The following ARFGEF2 variants were observed in gnomAD, a reference collection of about 807,000 sequenced individuals.
ARFGEF2 encodes the protein ARF guanine nucleotide exchange factor 2.
Under a neutral mutation model 219.9 loss-of-function variants are expected in ARFGEF2, and 74 were observed. The observed-to-expected ratio is 0.34, with a 90% CI of 0.28 to 0.41. ARFGEF2 has a LOEUF of 0.41. Ranked by LOEUF, ARFGEF2 falls within the 10% of genes least tolerant of loss-of-function variation. The pLI is 1.00. For missense variants in ARFGEF2, 1,743 were observed against 2,218.3 expected (o/e 0.79, Z 4.30); for synonymous variants, 733 against 799.2 (o/e 0.92, Z 1.40).
At chr20:48,972,220 G>T (rs2091232734) in intron 10 of ARFGEF2, 106 bp from the exon 11 acceptor site, 3 of 775,578 alleles carry the variant, frequency 3.9e-6, no homozygotes, top group Admixed American at 2.0e-5. Flanking sequence ...TCTGCCCAGG[G>T]TGCTTTACTT....
Position 49,021,253 on chromosome 20 carries a change from T to A in ARFGEF2, c.4625-1798T>A, listed in dbSNP as rs569224463. Among the ~76,000 whole-genome samples, 19 of 147,688 alleles carry A rather than the reference T, an allele frequency of 1.3e-4. No individual in the cohort carries two copies. The East Asian group carries it at 1.6e-3, about 13-fold the overall frequency. The stretch of plus-strand genomic sequence containing the variant: ...CCCATCTCTAAGAAGAAAAAAAAAA[T>A]TTTTTTTTTAATGAAAAAAATGAAA... On this transcript the variant is annotated intron_variant, in intron 34 of 38. Transcript: ENST00000371917.
chr20:48,994,478 C>T lies in ARFGEF2; in HGVS notation c.3001C>T (p.Leu1001Phe). Residue 1001 changes from leucine to phenylalanine, a missense_variant, in exon 22 of 39, where the codon CTC becomes TTC. Leu to Phe is a conservative substitution (Grantham distance 22, BLOSUM62 0). Transcript: ENST00000371917. The stretch of plus-strand genomic sequence containing the variant: ...CTTGAAATGCATCAGCCAGCTGGAG[C>T]TCGCTCAGCTGATAGGAACCGGTGT... Reference protein sequence around the residue: ...EILKCISQLELAQLIGTGVKT... With the variant: ...EILKCISQLEFAQLIGTGVKT... The T allele has an allele frequency of 6.2e-7, 1 of 1,614,092 alleles. No homozygotes were observed. Among genetic ancestry groups the T allele is most frequent in the Non-Finnish European group, 8.5e-7 (1 of 1,180,038 alleles).
intron 1 of ARFGEF2, among the ~76,000 whole-genome samples, chr20:48,935,483 A>G (rs918217858): frequency 1.3e-5 from 2 of 151,948 alleles, no homozygotes; most frequent in African/African-American, 2.4e-5. Flanking sequence ...AAAGTCTCCC[A>G]TGTCTACCTC....
At chr20:48,944,098 C>G (rs2091010326) in intron 3 of ARFGEF2, among the ~76,000 whole-genome samples, 2 of 152,202 alleles carry the variant, frequency 1.3e-5, no homozygotes, top group South Asian at 4.1e-4. Flanking sequence ...CTTCCAAATG[C>G]AAAGCCATTT....
chr20:48,952,027 G>A (rs762121712), intron 4 of ARFGEF2, among the ~76,000 whole-genome samples: 6 of 151,978 alleles, frequency 3.9e-5, no homozygotes, highest in Non-Finnish European at 8.8e-5. Context: ...TGACCACATC[G>A]AAACGTATAT....
intron 14 of ARFGEF2, among the ~76,000 whole-genome samples, chr20:48,977,454 T>C (rs528124490): frequency 6.6e-6 from 1 of 152,352 alleles, no homozygotes; most frequent in Non-Finnish European, 1.5e-5. Flanking sequence ...CATGTGTCTT[T>C]ATAGTAGCAT....
intron 37 of ARFGEF2, among the ~76,000 whole-genome samples, chr20:49,029,054 C>A (rs1304913747): frequency 6.6e-6 from 1 of 152,218 alleles, no homozygotes; most frequent in East Asian, 1.9e-4. Context: ...TCAGCAATAA[C>A]ATCCCATCAT....
rs757395043 is a variant in ARFGEF2, at chr20:49,012,044, T to C, written c.3878T>C (p.Leu1293Pro). The C allele has an allele frequency of 1.9e-6, 3 of 1,614,138 alleles. No homozygotes were observed. Among genetic ancestry groups the C allele is most frequent in the South Asian group, 2.2e-5 (2 of 91,078 alleles). The change falls in exon 28 of 39, where the codon CTC becomes CCC. Residue 1293 changes from leucine (L) to proline (P), a missense_variant. Coordinates refer to ENST00000371917, the MANE Select transcript of ARFGEF2 (RefSeq NM_006420.3). The stretch of plus-strand genomic sequence containing the variant: ...GACACGAGCATGGAAGCGATTCGGC[T>C]CATCCGCTTCTGTGGCAAATACGTC... Reference protein sequence around the residue: ...FPDTSMEAIRLIRFCGKYVSE... With the variant: ...FPDTSMEAIRPIRFCGKYVSE...
intron 14 of ARFGEF2, among the ~76,000 whole-genome samples, chr20:48,982,596 C>T (rs941880360): frequency 6.6e-6 from 1 of 152,156 alleles, no homozygotes; most frequent in African/African-American, 2.4e-5. Context: ...TGCCCTGCCC[C>T]CAGAGGTAGG....
In ARFGEF2 at chr20:48,930,312, T is replaced by TA. The variant is rs2090905215; in HGVS notation, c.121+8303dup. Among the ~76,000 whole-genome samples, 14 of 152,346 alleles carry TA rather than the reference T, an allele frequency of 9.2e-5. No homozygotes were observed. The South Asian group carries it at 2.9e-3, about 32-fold the overall frequency. ...AATCACTTCTTAAAGGCTCCACTCT[T>TA]ACACCATCACAGTGGCAATTAATTT... On this transcript the variant is annotated intron_variant, in intron 1 of 38. Coordinates refer to ENST00000371917, the MANE Select transcript of ARFGEF2 (RefSeq NM_006420.3).
chr20:48,923,446 AG>A (rs914826391), intron 1 of ARFGEF2, among the ~76,000 whole-genome samples: 8 of 152,236 alleles, frequency 5.3e-5, no homozygotes, highest in African/African-American at 1.9e-4. Context: ...AGACTCCCTC[AG>A]GGGCCAACTA....
intron 12 of ARFGEF2, 109 bp from the exon 13 acceptor site, chr20:48,974,657 C>G (rs1039421515): frequency 6.2e-6 from 5 of 804,698 alleles, no homozygotes; most frequent in Non-Finnish European, 8.4e-6. Flanking sequence ...ATAGCACTGA[C>G]TGTCAGTGAT....
Position 49,016,408 on chromosome 20 carries a change from C to A in ARFGEF2, c.4308C>A (p.Val1436=). The stretch of plus-strand genomic sequence containing the variant: ...TATTTGCACAATTGCAGTGGTGTGT[C>A]AAACAAGGTACTCTTTAAGCCTCTA... ...SDVFAQLQWC[V]KQDNEQLARS... is the part of the protein sequence containing the mutation. The change falls in exon 31 of 39, where the codon GTC becomes GTA. Residue 1436 remains valine, a synonymous_variant. Transcript: ENST00000371917. 6.2e-7 allele frequency: 1 copy of A among 1,612,542 alleles called. No homozygotes were observed. The highest frequency in any genetic ancestry group is 1.1e-5 in the South Asian group (1 of 91,038).
Position 48,951,472 on chromosome 20 carries a change from AT to A in ARFGEF2, c.423+4del. On this transcript the variant is annotated splice_donor_region_variant and intron_variant, in intron 4 of 38. Transcript: ENST00000371917. ...GGGTTCAGTTACAAATAATTAAGGT[AT>A]GCCTATTTGTTTGCCTGTCTGGTTT... is the stretch of plus-strand genomic sequence containing the variant. 2 of 1,614,124 alleles carry A rather than the reference AT, an allele frequency of 1.2e-6. No individual in the cohort carries two copies. Among genetic ancestry groups the A allele is most frequent in the Non-Finnish European group, 1.7e-6 (2 of 1,180,002 alleles).
chr20:48,951,240 G>A, intron 3 of ARFGEF2, 83 bp from the exon 4 acceptor site: 3 of 1,546,142 alleles, frequency 1.9e-6, no homozygotes, highest in Non-Finnish European at 2.7e-6. Context: ...GGAAGTGCCT[G>A]TCTTTTGCTC....
chr20:48,975,937 G>A, intron 13 of ARFGEF2, 79 bp from the exon 14 acceptor site: 2 of 1,408,952 alleles, frequency 1.4e-6, no homozygotes, highest in Non-Finnish European at 2.0e-6. Flanking sequence ...GGGAAAGGGA[G>A]CCGTGCAGCC....
At chr20:49,009,279 TC>T (rs1188406691) in intron 26 of ARFGEF2, among the ~76,000 whole-genome samples, 2 of 152,156 alleles carry the variant, frequency 1.3e-5, no homozygotes, top group African/African-American at 4.8e-5. Context: ...CTCCTTGCCT[TC>T]TCTAAATGGC....
rs191888677 is a variant in ARFGEF2 at position 48,989,708 on chromosome 20, C to T, written c.2814+24C>T. 1,365 of 1,613,872 alleles carry T rather than the reference C, an allele frequency of 8.5e-4. 2 individuals are homozygous for T. The highest frequency in any genetic ancestry group is 2.1e-3 in the Admixed American group (124 of 60,014). The stretch of plus-strand genomic sequence containing the variant: ...AGGTAGGTGTAAGTCAGCAACACTC[C>T]AGAGATACTGGTGGGTTGTGCTCTT... On this transcript the variant is annotated intron_variant, in intron 20 of 38. Coordinates refer to ENST00000371917, the MANE Select transcript of ARFGEF2 (RefSeq NM_006420.3).
At chr20:48,999,475 G>A (rs768410547) in intron 25 of ARFGEF2, among the ~76,000 whole-genome samples, 1 of 152,146 alleles carries the variant, frequency 6.6e-6, no homozygotes, top group Non-Finnish European at 1.5e-5. Context: ...GTGGCCGGGC[G>A]TCATGGCTCA....
Sources: gnomAD v4.1 joint callset for allele counts (sites outside exome capture counted in the v4.1 genomes callset) on GRCh38, gnomAD v4.1.1 for gene constraint, MANE v1.5 for transcripts, NCBI Gene and HGNC (gene_info 2026-07-23, HGNC 2026-07-21) for gene names.